Variants in SRFBP1 observed in about 807,000 individuals in gnomAD.
SRFBP1 encodes the protein serum response factor-binding protein 1.
Under a neutral mutation model 45.5 loss-of-function variants are expected in SRFBP1, and 47 were observed. The observed-to-expected ratio is 1.03, with a 90% CI of 0.82 to 1.32. The LOEUF is 1.32. Ranked by LOEUF, SRFBP1 falls within the 40% of genes most tolerant of loss-of-function variation. The pLI is 0.00. For synonymous variants in SRFBP1, 203 were observed against 166.3 expected (o/e 1.22, Z -1.70); for missense variants, 621 against 484.6 (o/e 1.28, Z -2.64).
At chr5:121,989,299 A>G (rs1037145661) in intron 3 of SRFBP1, among the ~76,000 whole-genome samples, 1 of 151,882 alleles carries the variant, frequency 6.6e-6, no homozygotes. Flanking sequence ...ATCTCCTGAC[A>G]TCGTGATCCG....
At chr5:121,975,689 T>C (rs960708907) in intron 3 of SRFBP1, among the ~76,000 whole-genome samples, 17 of 152,042 alleles carry the variant, frequency 1.1e-4, no homozygotes, top group African/African-American at 4.1e-4. Context: ...ACTGTAACTT[T>C]AGCACGAAGT....
chr5:122,077,267 G>A, downstream of SRFBP1: 1 of 1,569,122 alleles, frequency 6.4e-7, no homozygotes, highest in South Asian at 1.2e-5. This position sits in a 1 kb window ranked among gnomAD's most constrained non-coding sequence, Gnocchi z 4.9. Flanking sequence ...GAGGACCGGG[G>A]CCCGCCGCGC....
At chr5:122,063,418 C>T (rs922606863) in intron 2 of SRFBP1, 1 of 151,868 alleles carries the variant, frequency 6.6e-6, no homozygotes, top group African/African-American at 2.4e-5. Context: ...TGACATGTTA[C>T]TTAGTTTATA....
intron 3 of SRFBP1, among the ~76,000 whole-genome samples, chr5:121,989,291 C>A (rs545290489): frequency 2.0e-4 from 30 of 152,176 alleles, no homozygotes; most frequent in African/African-American, 7.2e-4. Flanking sequence ...TGGTCTCGAT[C>A]TCCTGACATC....
At position 121,979,324 on chromosome 5, in the gene SRFBP1, A is replaced by G. The variant is rs1035105744; in HGVS notation, c.198+3937A>G. Among the ~76,000 whole-genome samples the G allele has an allele frequency of 7.2e-5, 11 of 152,260 alleles. 1 individual carries two copies. The highest frequency in any genetic ancestry group is 2.0e-4 in the Admixed American group (3 of 15,286). On this transcript the variant is annotated intron_variant, in intron 3 of 7. Coordinates refer to ENST00000339397, the MANE Select transcript of SRFBP1 (RefSeq NM_152546.3). ...AGAATTTTGTGATATTTCTGGTTAT[A>G]TATGCTTTTTTAAAAGTTACCAAGT...
chr5:121,997,978 A>G (rs1481709622), intron 4 of SRFBP1, among the ~76,000 whole-genome samples: 1 of 151,506 alleles, frequency 6.6e-6, no homozygotes, highest in Admixed American at 6.6e-5. Flanking sequence ...ACCATCTCAC[A>G]CCAGTTAGAA....
intron 1 of SRFBP1, among the ~76,000 whole-genome samples, chr5:121,968,697 T>G (rs780734569): frequency 6.6e-6 from 1 of 152,192 alleles, no homozygotes; most frequent in Non-Finnish European, 1.5e-5. Flanking sequence ...GTAGGACTTT[T>G]GTTAAAGTAC....
intron 7 of SRFBP1, among the ~76,000 whole-genome samples, chr5:122,023,716 T>A (rs1037574984): frequency 6.6e-6 from 1 of 152,148 alleles, no homozygotes; most frequent in African/African-American, 2.4e-5. Context: ...GGTACAAATA[T>A]AAAATGATGA....
At chr5:121,996,254 A>G (rs1346605081) in intron 4 of SRFBP1, among the ~76,000 whole-genome samples, 18 of 129,516 alleles carry the variant, frequency 1.4e-4, no homozygotes, top group Admixed American at 1.3e-3. Flanking sequence ...CATTGATGCA[A>G]AAATCCTCAA....
chr5:121,962,847 C>G (rs145920140), intron 1 of SRFBP1, among the ~76,000 whole-genome samples: 1 of 152,176 alleles, frequency 6.6e-6, no homozygotes, highest in Non-Finnish European at 1.5e-5. Flanking sequence ...AAAGGAAATT[C>G]TTTATCCCGT....
intron 2 of SRFBP1, among the ~76,000 whole-genome samples, chr5:122,060,417 A>G (rs1754152520): frequency 6.6e-6 from 1 of 151,952 alleles, no homozygotes; most frequent in Non-Finnish European, 1.5e-5. Flanking sequence ...CTTTCCCATC[A>G]CACCCACACA....
At chr5:122,022,228 A>G (rs1381616194) in intron 6 of SRFBP1, 142 bp from the exon 7 acceptor site, 5 of 639,408 alleles carry the variant, frequency 7.8e-6, no homozygotes, top group African/African-American at 7.5e-5. Flanking sequence ...TGGGACTTTC[A>G]TAATTATTTT....
chr5:122,057,374 T>C (rs1754097533), intron 2 of SRFBP1, among the ~76,000 whole-genome samples: 1 of 152,174 alleles, frequency 6.6e-6, no homozygotes, highest in Non-Finnish European at 1.5e-5. Context: ...TTTCAGGTTA[T>C]TATTTAATGA....
chr5:122,053,057 T>C (rs1402678751), intron 2 of SRFBP1, among the ~76,000 whole-genome samples: 4 of 152,132 alleles, frequency 2.6e-5, no homozygotes, highest in Non-Finnish European at 5.9e-5. Context: ...GTTTCTTTTG[T>C]TGGGTATCCT....
chr5:122,013,161 T>A (rs17417314), intron 4 of SRFBP1, among the ~76,000 whole-genome samples: 1 of 152,034 alleles, frequency 6.6e-6, no homozygotes, highest in Non-Finnish European at 1.5e-5. Flanking sequence ...TTATTTTGCC[T>A]GAAAACTTCA....
At chr5:121,977,400 A>G (rs1326134433) in intron 3 of SRFBP1, among the ~76,000 whole-genome samples, 38 of 152,152 alleles carry the variant, frequency 2.5e-4, no homozygotes. Context: ...TAAATATAAA[A>G]TGAATACTAG....
At chr5:121,966,778 TA>T (rs1229361007) in intron 1 of SRFBP1, among the ~76,000 whole-genome samples, 1 of 151,548 alleles carries the variant, frequency 6.6e-6, no homozygotes, top group African/African-American at 2.4e-5. Flanking sequence ...TTTTATTTTT[TA>T]TTTTTTATTT....
chr5:122,018,937 T>C (rs553475496), intron 4 of SRFBP1, among the ~76,000 whole-genome samples: 1 of 152,284 alleles, frequency 6.6e-6, no homozygotes, highest in South Asian at 2.1e-4. Flanking sequence ...GTTCAAGCTC[T>C]TTGATAGTAA....
intron 1 of SRFBP1, among the ~76,000 whole-genome samples, chr5:121,969,074 G>A (rs540373087): frequency 6.6e-6 from 1 of 152,114 alleles, no homozygotes; most frequent in Admixed American, 6.5e-5. Context: ...TTGGACCAAA[G>A]TCTCCTGTCT....
Sources: allele counts gnomAD v4.1 joint callset (sites outside exome capture counted in the v4.1 genomes callset), GRCh38; gene constraint gnomAD v4.1.1; non-coding constraint Gnocchi (gnomAD v3.1); transcripts MANE v1.5; gene names NCBI Gene and HGNC (gene_info 2026-07-23, HGNC 2026-07-21).